VPS13D: variants seen among roughly 807,000 people sequenced by gnomAD.
VPS13D encodes the protein vacuolar protein sorting 13 homolog D.
Under a neutral mutation model 461.9 loss-of-function variants are expected in VPS13D, and 187 were observed. The observed-to-expected ratio is 0.40, with a 90% CI of 0.36 to 0.46. The LOEUF (loss-of-function observed/expected upper bound fraction) is 0.46, where lower values mean the gene tolerates loss of function less well. Ranked by LOEUF, VPS13D falls within the 20% of genes least tolerant of loss-of-function variation. The probability of loss-of-function intolerance (pLI) is 0.60; values close to 1 mark genes in which losing one functional copy is unlikely to be tolerated. For synonymous variants in VPS13D, 1,951 were observed against 1,986.3 expected (o/e 0.98, Z 0.47); for missense variants, 4,711 against 5,364.9 (o/e 0.88, Z 3.81).
At position 12,261,901 on chromosome 1, in the gene VPS13D, G is replaced by T. The variant is rs1224167357; in HGVS notation, c.1415G>T (p.Gly472Val). ...QEQWIPEEIL[G>V]TEEFFDPTAD... is the part of the protein sequence containing the mutation. ...CAGTCTTTTCTCCCTTACCATTTAG[G>T]CACTGAGGAGTTTTTTGACCCCACT... The change falls in exon 13 of 70, where the codon GGC (glycine) becomes GTC (valine). Residue 472 changes from glycine (G) to valine (V), a missense_variant and splice_region_variant. Around this residue, in one of 3 missense-constraint regions of VPS13D, gnomAD observed 4,411 missense variants for 4,937.8 expected, o/e 0.89. Transcript: ENST00000620676. The T allele has an allele frequency of 6.2e-7, 1 of 1,605,850 alleles. No individual in the cohort carries two copies. The highest frequency in any genetic ancestry group is 1.7e-5 in the Admixed American group (1 of 59,354).
intron 60 of VPS13D, among the ~76,000 whole-genome samples, chr1:12,397,850 C>G (rs1450275191): frequency 6.6e-6 from 1 of 152,112 alleles, no homozygotes; most frequent in Non-Finnish European, 1.5e-5. Context: ...TCACTAGAAA[C>G]CATTTCAGGC....
At chr1:12,373,902 C>A in intron 55 of VPS13D, 44 bp downstream of exon 55, 1 of 1,471,054 alleles carries the variant, frequency 6.8e-7, no homozygotes, top group East Asian at 2.6e-5. Flanking sequence ...AGGTTTTTAG[C>A]ACTGGACGGG....
Position 12,277,145 on chromosome 1 carries a change from G to T in VPS13D, c.3557G>T (p.Arg1186Ile). 6.2e-7 allele frequency: 1 copy of T among 1,614,190 alleles called. No homozygotes were observed. Among genetic ancestry groups the T allele is most frequent in the South Asian group, 1.1e-5 (1 of 91,078 alleles). Residue 1186 changes from arginine (R) to isoleucine (I), a missense_variant, in exon 19 of 70, where the codon AGA (arginine) becomes ATA (isoleucine). By Grantham distance (97) the Arg-to-Ile change is moderately conservative. Around this residue, in one of 3 missense-constraint regions of VPS13D, gnomAD observed 4,411 missense variants for 4,937.8 expected, o/e 0.89. Coordinates refer to ENST00000620676, the MANE Select transcript of VPS13D (RefSeq NM_015378.4). ...CTTCGGACAGTGGGCATGGCAAATA[G>T]AGAGAAATATGGCAGAAAAATTGCA... ...LLLRTVGMAN[R>I]EKYGRKIATA...
chr1:12,479,685 G>C (rs966235487), intron 67 of VPS13D, among the ~76,000 whole-genome samples: 1 of 152,088 alleles, frequency 6.6e-6, no homozygotes, highest in Non-Finnish European at 1.5e-5. Context: ...TGCTGCTTCT[G>C]GGCCATCTCT....
At chr1:12,427,818 G>A (rs936218711) in intron 65 of VPS13D, among the ~76,000 whole-genome samples, 1 of 152,154 alleles carries the variant, frequency 6.6e-6, no homozygotes, top group African/African-American at 2.4e-5. Context: ...CCATATTATA[G>A]TTGGGTTTTC....
intron 42 of VPS13D, 93 bp from the exon 43 acceptor site, chr1:12,345,281 C>A: frequency 7.0e-7 from 1 of 1,438,492 alleles, no homozygotes; most frequent in Admixed American, 2.0e-5. Flanking sequence ...GTTTTTACAT[C>A]ATATGTACTA....
At chr1:12,310,615 A>G (rs1363943627) in intron 27 of VPS13D, among the ~76,000 whole-genome samples, 1 of 152,248 alleles carries the variant, frequency 6.6e-6, no homozygotes, top group Admixed American at 6.5e-5. Context: ...AGTTACCACT[A>G]AATCCAAAGA....
At position 12,400,375 on chromosome 1, in the gene VPS13D, G is replaced by A. The variant is rs772898003; in HGVS notation, c.11784+45G>A. ...TGGTGGGTTGATGCCATGCTGGAACGTTGATTTGTTCTCTCACAGCCAAGT... is the reference window on the plus strand; with the variant it reads ...TGGTGGGTTGATGCCATGCTGGAACATTGATTTGTTCTCTCACAGCCAAGT... On this transcript the variant is annotated intron_variant, in intron 61 of 69. Transcript: ENST00000620676. 6.2e-6 allele frequency: 10 copies of A among 1,602,634 alleles called. No homozygotes were observed. The Middle Eastern group carries it at 8.5e-4, about 136-fold the overall frequency.
chr1:12,447,678 C>G (rs573632501), intron 65 of VPS13D, among the ~76,000 whole-genome samples: 1 of 152,326 alleles, frequency 6.6e-6, no homozygotes, highest in Non-Finnish European at 1.5e-5. Flanking sequence ...TACTGGTGCC[C>G]AGCATCTATG....
intron 49 of VPS13D, 108 bp downstream of exon 49, chr1:12,356,632 T>G: frequency 7.1e-7 from 1 of 1,403,428 alleles, no homozygotes; most frequent in Non-Finnish European, 9.5e-7. Flanking sequence ...TAGATAACAA[T>G]CCTGACTTGG....
intron 67 of VPS13D, among the ~76,000 whole-genome samples, chr1:12,475,094 A>G (rs951326797): frequency 1.3e-5 from 2 of 152,164 alleles, no homozygotes; most frequent in Non-Finnish European, 2.9e-5. Context: ...TCAGTTTGTC[A>G]GCATAGGATC....
chr1:12,285,379 C>T (rs1017755461), intron 21 of VPS13D, among the ~76,000 whole-genome samples: 4 of 151,478 alleles, frequency 2.6e-5, no homozygotes, highest in Non-Finnish European at 4.4e-5. Context: ...CAACCTCTGC[C>T]TCCTGGGTTC....
intron 35 of VPS13D, among the ~76,000 whole-genome samples, chr1:12,325,108 G>A (rs1643145136): frequency 6.6e-6 from 1 of 152,070 alleles, no homozygotes; most frequent in Non-Finnish European, 1.5e-5. Flanking sequence ...TTAAAAGACA[G>A]GGTGTCACTC....
At chr1:12,242,034 G>T (rs1640392617) in intron 2 of VPS13D, among the ~76,000 whole-genome samples, 1 of 151,922 alleles carries the variant, frequency 6.6e-6, no homozygotes, top group South Asian at 2.1e-4. Flanking sequence ...CATCTGGCCT[G>T]CAGACTAAGA....
In VPS13D at chr1:12,255,798, G is replaced by A. The variant is rs1476068429; in HGVS notation, c.670-535G>A. Among the ~76,000 whole-genome samples, 3 of 151,032 alleles carry A rather than the reference G, an allele frequency of 2.0e-5. No individual in the cohort carries two copies. In the East Asian group the frequency reaches 5.8e-4, roughly 29 times the overall value. On this transcript the variant is annotated intron_variant, in intron 7 of 69. Coordinates refer to ENST00000620676, the MANE Select transcript of VPS13D (RefSeq NM_015378.4). ...CCCAGCTACTCGAGAGGCAGAAGTA[G>A]GAAAATTGCTTAAACCGGGGAGTCG...
chr1:12,365,413 T>G (rs1644019751), intron 52 of VPS13D, among the ~76,000 whole-genome samples: 1 of 152,188 alleles, frequency 6.6e-6, no homozygotes, highest in Non-Finnish European at 1.5e-5. Flanking sequence ...TGTCTTTAGT[T>G]TCTTTCATCA....
At chr1:12,451,933 A>T (rs528153616) in intron 65 of VPS13D, among the ~76,000 whole-genome samples, 1 of 152,364 alleles carries the variant, frequency 6.6e-6, no homozygotes, top group East Asian at 1.9e-4. Context: ...TCCTTACAGC[A>T]TCTTTGTAGG....
chr1:12,335,295 G>A (rs1412452221), intron 38 of VPS13D, among the ~76,000 whole-genome samples: 1 of 152,154 alleles, frequency 6.6e-6, no homozygotes, highest in Non-Finnish European at 1.5e-5. Flanking sequence ...TCAAACTCCT[G>A]GACTCAAGTG....
intron 36 of VPS13D, 91 bp from the exon 37 acceptor site, chr1:12,329,738 A>G (rs894073449): frequency 2.3e-6 from 2 of 866,058 alleles, no homozygotes; most frequent in Non-Finnish European, 3.8e-6. Flanking sequence ...CTTTGCGAGT[A>G]TTAGCTCTAA....
Sources: allele counts gnomAD v4.1 joint callset (sites outside exome capture counted in the v4.1 genomes callset), GRCh38; gene constraint gnomAD v4.1.1; regional missense constraint gnomAD v4.1.1; transcripts MANE v1.5; gene names NCBI Gene and HGNC (gene_info 2026-07-23, HGNC 2026-07-21).